The following DPP6 variants were observed in gnomAD, a reference collection of about 807,000 sequenced individuals.
The protein encoded by DPP6 is dipeptidyl peptidase like 6, also known as A-type potassium channel modulatory protein DPP6.
In DPP6, 69 loss-of-function variants were observed where a neutral mutation model predicts 122.6. That is an observed-to-expected ratio of 0.56 (90% confidence interval 0.46 to 0.69). The LOEUF (loss-of-function observed/expected upper bound fraction) is 0.69, where lower values mean the gene tolerates loss of function less well. DPP6 is among the 30% of genes least tolerant of loss of function. The pLI is 0.00. For missense variants in DPP6, 928 were observed against 1,116.9 expected (o/e 0.83, Z 2.41); for synonymous variants, 418 against 433.1 (o/e 0.97, Z 0.43).
intron 1 of DPP6, among the ~76,000 whole-genome samples, chr7:154,106,852 G>A (rs1490222438): frequency 6.6e-6 from 1 of 152,104 alleles, no homozygotes; most frequent in Admixed American, 6.5e-5. Flanking sequence ...GAGGGAAGGA[G>A]CAACGCACTG....
intron 1 of DPP6, among the ~76,000 whole-genome samples, chr7:153,911,993 G>A (rs1800110214): frequency 6.6e-6 from 1 of 152,152 alleles, no homozygotes; most frequent in Non-Finnish European, 1.5e-5. Flanking sequence ...GGTTAAATTA[G>A]GAATTCAGAA....
intron 1 of DPP6, among the ~76,000 whole-genome samples, chr7:154,073,228 G>A (rs1292336402): frequency 6.6e-6 from 1 of 152,214 alleles, no homozygotes; most frequent in Non-Finnish European, 1.5e-5. Context: ...GGTCTGTGAC[G>A]CTGGGATTGT....
intron 5 of DPP6, among the ~76,000 whole-genome samples, chr7:154,626,992 A>G (rs1293926249): frequency 2.2e-5 from 3 of 137,886 alleles, no homozygotes; most frequent in Middle Eastern, 4.1e-3. Context: ...GTCCATTAGA[A>G]ATTTTTTCTT....
the DPP6 span, among the ~76,000 whole-genome samples, chr7:153,846,687 CTTTT>C: frequency 2.6e-5 from 2 of 78,204 alleles, no homozygotes; most frequent in African/African-American, 5.0e-5. Context: ...TGGCTTGGTT[CTTTT>C]TTTTTTTTTT....
intron 1 of DPP6, among the ~76,000 whole-genome samples, chr7:154,118,600 T>C (rs1167994706): frequency 6.6e-6 from 1 of 150,820 alleles, no homozygotes; most frequent in Non-Finnish European, 1.5e-5. Flanking sequence ...GAAATACTTA[T>C]GTCCGTGGTA....
chr7:154,552,247 A>G (rs1829692798), intron 4 of DPP6, among the ~76,000 whole-genome samples: 1 of 152,192 alleles, frequency 6.6e-6, no homozygotes, highest in African/African-American at 2.4e-5. Context: ...TAGTGGAGCA[A>G]AAGTGCCCCT....
chr7:154,053,047 A>T lies in DPP6; in HGVS notation c.227A>T (p.Asp76Val), dbSNP rs572667303. The T allele has an allele frequency of 0.014, 14,997 of 1,052,324 alleles. 142 individuals carry two copies. The highest frequency in any genetic ancestry group is 0.029 in the Middle Eastern group (70 of 2,426). The allele number at this position is 1,052,324 out of a possible 1,614,324, so 65.2% of individuals were successfully genotyped here. A position where few individuals can be genotyped will look rare whatever the true frequency, so the allele number is the denominator to read the frequency against. ...CGGTTCCAGTACCAGGCGCGGAGCG[A>T]TGGTGACGAGGAGGACGTAAGAGCT... ...RPRFQYQARSDGDEEDELVGS... is the reference protein window; with the variant it reads ...RPRFQYQARSVGDEEDELVGS... Residue 76 changes from aspartate (D) to valine (V), a missense_variant, in exon 1 of 26, where the codon GAT becomes GTT. Physicochemically the swap from Asp to Val is radical, Grantham distance 152. Coordinates refer to ENST00000377770, the MANE Select transcript of DPP6 (RefSeq NM_130797.4).
At chr7:154,219,370 A>G (rs1800176817) in intron 1 of DPP6, among the ~76,000 whole-genome samples, 1 of 152,186 alleles carries the variant, frequency 6.6e-6, no homozygotes, top group East Asian at 1.9e-4. Context: ...TCTTTGCCCA[A>G]CAATACACAT....
intron 1 of DPP6, among the ~76,000 whole-genome samples, chr7:154,366,540 T>C (rs2151109862): frequency 6.6e-6 from 1 of 152,334 alleles, no homozygotes; most frequent in East Asian, 1.9e-4. Context: ...AGCTTGCAAC[T>C]GCAGAGATTC....
chr7:154,649,605 A>C (rs1256116982), intron 6 of DPP6, among the ~76,000 whole-genome samples: 2 of 152,176 alleles, frequency 1.3e-5, no homozygotes, highest in African/African-American at 4.8e-5. Flanking sequence ...TTCCACCTGC[A>C]GCTGTGGGGA....
intron 1 of DPP6, among the ~76,000 whole-genome samples, chr7:154,321,844 C>T (rs1807993182): frequency 6.6e-6 from 1 of 150,992 alleles, no homozygotes; most frequent in Non-Finnish European, 1.5e-5. Context: ...AGGAGCTTCT[C>T]TTCCCTGCAG....
At chr7:154,461,464 A>G (rs959536045) in intron 2 of DPP6, among the ~76,000 whole-genome samples, 60 of 152,298 alleles carry the variant, frequency 3.9e-4, no homozygotes, top group African/African-American at 1.4e-3. Context: ...TGGTGGTTGT[A>G]CTAATTTGCA....
intron 3 of DPP6, among the ~76,000 whole-genome samples, chr7:154,492,587 T>G (rs57451233): frequency 0.057 from 8,676 of 152,240 alleles, 814 homozygotes; most frequent in African/African-American, 0.19. Context: ...CCGGGTGTTA[T>G]GAGTACATCA....
intron 5 of DPP6, among the ~76,000 whole-genome samples, chr7:154,591,123 G>T (rs1832788130): frequency 6.6e-6 from 1 of 152,224 alleles, no homozygotes; most frequent in African/African-American, 2.4e-5. Flanking sequence ...TAGACCGGTG[G>T]TGCAAAGACG....
chr7:153,842,916 T>C, the DPP6 span, among the ~76,000 whole-genome samples: 1 of 152,172 alleles, frequency 6.6e-6, no homozygotes, highest in Admixed American at 6.5e-5. Flanking sequence ...ATCTCCAAGA[T>C]TTTGATAGAA....
chr7:154,485,920 T>C (rs1191467193), intron 3 of DPP6, among the ~76,000 whole-genome samples: 1 of 151,788 alleles, frequency 6.6e-6, no homozygotes, highest in African/African-American at 2.4e-5. Context: ...ATTAGGTATA[T>C]CTCCTAATGC....
chr7:153,971,106 G>T (rs968388035), intron 1 of DPP6, among the ~76,000 whole-genome samples: 1 of 151,984 alleles, frequency 6.6e-6, no homozygotes, highest in African/African-American at 2.4e-5. Flanking sequence ...GTGTATTTGC[G>T]TGTAGATCTC....
chr7:154,893,132 T>G lies in DPP6; in HGVS notation c.*652T>G, dbSNP rs1806764769. 2 of 350,102 alleles carry G rather than the reference T, an allele frequency of 5.7e-6. No individual in the cohort carries two copies. Among genetic ancestry groups the G allele is most frequent in the Non-Finnish European group, 1.1e-5 (2 of 177,310 alleles). 21.7% of individuals were successfully genotyped at this position (350,102 alleles called of 1,614,324 possible). A position where few individuals can be genotyped will look rare whatever the true frequency, so the allele number is the denominator to read the frequency against. On this transcript the variant is annotated 3_prime_UTR_variant, in exon 26 of 26. Coordinates refer to ENST00000377770, the MANE Select transcript of DPP6 (RefSeq NM_130797.4). ...TGCTCCACTGTCTCCGTCATGGGGT[T>G]GTTTTGCTGTTTGGGGTTGGGCCTT...
At chr7:154,790,702 G>A (rs957239838) in intron 10 of DPP6, among the ~76,000 whole-genome samples, 2 of 151,906 alleles carry the variant, frequency 1.3e-5, no homozygotes, top group Non-Finnish European at 2.9e-5. Context: ...ACCCAGGGAT[G>A]AGCCACGAGG....
Sources: gnomAD v4.1 joint callset for allele counts (sites outside exome capture counted in the v4.1 genomes callset) on GRCh38, gnomAD v4.1.1 for gene constraint, MANE v1.5 for transcripts, NCBI Gene and HGNC (gene_info 2026-07-23, HGNC 2026-07-21) for gene names.